PTPRK: variants seen among roughly 807,000 people sequenced by gnomAD.
PTPRK encodes protein tyrosine phosphatase receptor type K.
In PTPRK, 75 loss-of-function variants were observed where a neutral mutation model predicts 178.0. That is an observed-to-expected ratio of 0.42 (90% CI 0.35 to 0.51). The LOEUF (loss-of-function observed/expected upper bound fraction) is 0.51, where lower values mean the gene tolerates loss of function less well. Ranked by LOEUF, PTPRK falls within the 20% of genes least tolerant of loss-of-function variation. The pLI is 0.02. For synonymous variants in PTPRK, 637 were observed against 620.6 expected (o/e 1.03, Z -0.39); for missense variants, 1,441 against 1,797.8 (o/e 0.80, Z 3.59).
At chr6:128,337,688 C>A (rs1006552416) in intron 2 of PTPRK, among the ~76,000 whole-genome samples, 2 of 152,158 alleles carry the variant, frequency 1.3e-5, no homozygotes, top group African/African-American at 2.4e-5. Flanking sequence ...TGCATGGATG[C>A]AGCATCACAC....
intron 2 of PTPRK, among the ~76,000 whole-genome samples, chr6:128,329,387 ACAC>A (rs1829985488): frequency 7.9e-6 from 1 of 126,072 alleles, no homozygotes; most frequent in Non-Finnish European, 1.7e-5. Flanking sequence ...AGATAAACAC[ACAC>A]ACACACACAC....
intron 11 of PTPRK, among the ~76,000 whole-genome samples, chr6:128,068,467 G>A (rs1349670293): frequency 6.6e-6 from 1 of 152,112 alleles, no homozygotes; most frequent in African/African-American, 2.4e-5. Flanking sequence ...AGAAACAGAT[G>A]GCATTTGGCC....
At chr6:128,208,267 G>A (rs545170189) in intron 6 of PTPRK, among the ~76,000 whole-genome samples, 45 of 136,638 alleles carry the variant, frequency 3.3e-4, no homozygotes, top group Non-Finnish European at 5.3e-4. Flanking sequence ...TTGAGAATGA[G>A]AAATGCTGTT....
chr6:128,164,981 C>T (rs1799191368), intron 7 of PTPRK, among the ~76,000 whole-genome samples: 1 of 151,178 alleles, frequency 6.6e-6, no homozygotes, highest in African/African-American at 2.4e-5. Context: ...AAATGGTCTC[C>T]CCATATCATA....
intron 3 of PTPRK, among the ~76,000 whole-genome samples, chr6:128,255,320 G>C (rs567490939): frequency 6.6e-6 from 1 of 152,110 alleles, no homozygotes; most frequent in African/African-American, 2.4e-5. Flanking sequence ...GATGGAGAGA[G>C]ATAAACTCAT....
intron 7 of PTPRK, among the ~76,000 whole-genome samples, chr6:128,160,550 T>C (rs1385815258): frequency 6.6e-6 from 1 of 151,672 alleles, no homozygotes; most frequent in Admixed American, 6.6e-5. Flanking sequence ...GGAAAAAGTT[T>C]AGTCCAGAAA....
At chr6:128,342,668 ATT>A (rs1158731468) in intron 2 of PTPRK, among the ~76,000 whole-genome samples, 2 of 152,194 alleles carry the variant, frequency 1.3e-5, no homozygotes, top group African/African-American at 4.8e-5. Flanking sequence ...ATAGAAGTGT[ATT>A]GTAAATTGAT....
rs533407840 is a variant in PTPRK, at chr6:128,040,704, G to A, written c.2194+24054C>T. Among the ~76,000 whole-genome samples the A allele has an allele frequency of 4.6e-5, 7 of 152,142 alleles. No homozygotes were observed. In the South Asian group the frequency reaches 1.2e-3, roughly 27 times the overall value. On this transcript the variant is annotated intron_variant, in intron 13 of 29. Transcript: ENST00000368226. Reference sequence around the variant, plus strand: ...TAAGGCTCTTCCTGCCACTACTAACGATATACAAAATGTGATGAGTATCAC... The same window carrying A: ...TAAGGCTCTTCCTGCCACTACTAACAATATACAAAATGTGATGAGTATCAC...
chr6:128,150,593 A>G (rs1241858778), intron 7 of PTPRK, among the ~76,000 whole-genome samples: 1 of 152,046 alleles, frequency 6.6e-6, no homozygotes, highest in Non-Finnish European at 1.5e-5. Flanking sequence ...CTTCCTTGAC[A>G]CTTTCAAACA....
intron 3 of PTPRK, among the ~76,000 whole-genome samples, chr6:128,307,477 C>CA (rs200283113): frequency 2.8e-5 from 4 of 144,028 alleles, no homozygotes; most frequent in South Asian, 4.4e-4. Flanking sequence ...AAAAAAAAAT[C>CA]AAAAAAAAAT....
intron 3 of PTPRK, among the ~76,000 whole-genome samples, chr6:128,299,508 T>C (rs950714041): frequency 2.6e-5 from 4 of 151,626 alleles, no homozygotes; most frequent in African/African-American, 9.7e-5. Context: ...AGCATGGTAC[T>C]GGTACCAAAA....
chr6:128,432,825 T>G (rs1845013113), intron 1 of PTPRK, among the ~76,000 whole-genome samples: 2 of 152,088 alleles, frequency 1.3e-5, no homozygotes, highest in Admixed American at 6.6e-5. Context: ...TATTATTAAT[T>G]TTTATTCGGT....
At chr6:128,154,343 G>A (rs1213016239) in intron 7 of PTPRK, among the ~76,000 whole-genome samples, 1 of 151,634 alleles carries the variant, frequency 6.6e-6, no homozygotes, top group Non-Finnish European at 1.5e-5. Context: ...GAAAAAAATT[G>A]AGCAAAATTC....
chr6:128,051,399 C>T (rs920670489), intron 13 of PTPRK, among the ~76,000 whole-genome samples: 2 of 152,168 alleles, frequency 1.3e-5, no homozygotes, highest in Non-Finnish European at 2.9e-5. Flanking sequence ...AGTCTTGCTT[C>T]TATTCGCTAT....
chr6:127,981,415 T>C, intron 24 of PTPRK, 126 bp from the exon 25 acceptor site: 2 of 783,800 alleles, frequency 2.6e-6, no homozygotes, highest in South Asian at 2.0e-5. Flanking sequence ...TGGCATTTGC[T>C]ACTATGACAG....
chr6:128,352,871 A>C (rs963876054), intron 2 of PTPRK, among the ~76,000 whole-genome samples: 4 of 152,346 alleles, frequency 2.6e-5, no homozygotes. Context: ...CTTTGTAATA[A>C]GTAATAAAAT....
intron 3 of PTPRK, among the ~76,000 whole-genome samples, chr6:128,306,288 T>C (rs1484757399): frequency 1.3e-5 from 2 of 152,166 alleles, no homozygotes; most frequent in Admixed American, 6.5e-5. Flanking sequence ...AAAAGAATGA[T>C]AGAATGGATT....
chr6:128,212,076 ATAGG>A (rs1478431587), intron 6 of PTPRK, among the ~76,000 whole-genome samples: 2 of 152,032 alleles, frequency 1.3e-5, no homozygotes, highest in Non-Finnish European at 1.5e-5. Context: ...CAGTTAGAAA[ATAGG>A]TAGACTATTT....
At chr6:128,154,717 ATGAT>A (rs1029754846) in intron 7 of PTPRK, among the ~76,000 whole-genome samples, 1 of 151,824 alleles carries the variant, frequency 6.6e-6, no homozygotes, top group Non-Finnish European at 1.5e-5. Context: ...AATAATGAAA[ATGAT>A]AACCCAATTT....
Sources: gnomAD v4.1 joint callset for allele counts (sites outside exome capture counted in the v4.1 genomes callset) on GRCh38, gnomAD v4.1.1 for gene constraint, MANE v1.5 for transcripts, NCBI Gene and HGNC (gene_info 2026-07-23, HGNC 2026-07-21) for gene names.